CFAP54: variants seen among roughly 807,000 people sequenced by gnomAD.
The protein encoded by CFAP54 is cilia- and flagella-associated protein 54.
In CFAP54, 290 loss-of-function variants were observed where a neutral mutation model predicts 370.4. The ratio of observed to expected loss-of-function variants is 0.78; its 90% CI spans 0.71 to 0.86. CFAP54 has a LOEUF of 0.86. CFAP54 is among the 40% of genes least tolerant of loss of function. CFAP54 has a pLI of 0.00. For synonymous variants in CFAP54, 1,206 were observed against 1,236.5 expected (o/e 0.98, Z 0.52); for missense variants, 3,399 against 3,528.7 (o/e 0.96, Z 0.93).
At chr12:96,738,096 G>C (rs1441183062) in intron 50 of CFAP54, among the ~76,000 whole-genome samples, 1 of 152,170 alleles carries the variant, frequency 6.6e-6, no homozygotes, top group Non-Finnish European at 1.5e-5. Flanking sequence ...ATCCAGCCTG[G>C]AGATGATCGT....
At chr12:96,548,194 C>A (rs1592845170) in intron 15 of CFAP54, among the ~76,000 whole-genome samples, 1 of 152,080 alleles carries the variant, frequency 6.6e-6, no homozygotes, top group Admixed American at 6.6e-5. Context: ...ACCATTTCCT[C>A]ATATGCTAGC....
intron 30 of CFAP54, among the ~76,000 whole-genome samples, chr12:96,628,295 A>G (rs1956567907): frequency 6.6e-6 from 1 of 152,242 alleles, no homozygotes; most frequent in Non-Finnish European, 1.5e-5. Flanking sequence ...TATCAAAATG[A>G]AAAGCAGTCA....
At chr12:96,773,249 CT>C (rs5800271) in intron 60 of CFAP54, among the ~76,000 whole-genome samples, 58,809 of 151,990 alleles carry the variant, frequency 0.39, 12,165 homozygotes, top group South Asian at 0.54. Flanking sequence ...ATAAAGGAAA[CT>C]TGTAGATCAG....
intron 67 of CFAP54, among the ~76,000 whole-genome samples, chr12:96,867,674 T>C (rs1416430613): frequency 6.6e-6 from 1 of 152,220 alleles, no homozygotes; most frequent in East Asian, 1.9e-4. Flanking sequence ...AGACAAATAC[T>C]GCATGATCTC....
At chr12:96,749,102 A>G (rs926596176) in intron 55 of CFAP54, among the ~76,000 whole-genome samples, 13 of 152,202 alleles carry the variant, frequency 8.5e-5, no homozygotes, top group African/African-American at 3.1e-4. Context: ...CCTTAGACTG[A>G]GTAATTTATA....
At chr12:96,729,072 T>C (rs1286911386) in intron 50 of CFAP54, among the ~76,000 whole-genome samples, 3 of 152,126 alleles carry the variant, frequency 2.0e-5, no homozygotes, top group Non-Finnish European at 4.4e-5. Flanking sequence ...CCATGTGAGG[T>C]GTCAGTCTGC....
chr12:96,673,064 A>G (rs1372903987), intron 39 of CFAP54, among the ~76,000 whole-genome samples: 1 of 152,234 alleles, frequency 6.6e-6, no homozygotes, highest in Non-Finnish European at 1.5e-5. Flanking sequence ...AGAGGCACAG[A>G]CAGTTTGAGC....
chr12:96,774,373 A>G (rs914598744), intron 60 of CFAP54, among the ~76,000 whole-genome samples: 2 of 152,086 alleles, frequency 1.3e-5, no homozygotes, highest in African/African-American at 4.8e-5. Flanking sequence ...AGTCCTCCCT[A>G]CTCAGATTCT....
intron 51 of CFAP54, among the ~76,000 whole-genome samples, chr12:96,740,669 T>A (rs1425470224): frequency 6.6e-6 from 1 of 152,250 alleles, no homozygotes; most frequent in Non-Finnish European, 1.5e-5. Flanking sequence ...CATTACAAAT[T>A]AGCAAAACTA....
At chr12:96,865,364 C>A (rs1278521227) in intron 67 of CFAP54, among the ~76,000 whole-genome samples, 1 of 152,122 alleles carries the variant, frequency 6.6e-6, no homozygotes, top group Non-Finnish European at 1.5e-5. Flanking sequence ...AAAAGAAAAT[C>A]AAGTGTTGCA....
chr12:96,501,185 A>G (rs550409006), intron 2 of CFAP54: 32 of 341,834 alleles, frequency 9.4e-5, no homozygotes, highest in Non-Finnish European at 1.5e-4. Flanking sequence ...GATGGGCAGG[A>G]GGGTGGCCGG....
chr12:96,793,728 A>G (rs1247485842), intron 63 of CFAP54, among the ~76,000 whole-genome samples: 1 of 151,684 alleles, frequency 6.6e-6, no homozygotes. Context: ...TTATTTTTTG[A>G]TTTTTTGATT....
intron 40 of CFAP54, among the ~76,000 whole-genome samples, chr12:96,681,330 C>T (rs1957268662): frequency 6.6e-6 from 1 of 150,614 alleles, no homozygotes; most frequent in African/African-American, 2.4e-5. Context: ...AGATTTTTCT[C>T]TTATGTCTTC....
intron 15 of CFAP54, among the ~76,000 whole-genome samples, chr12:96,549,555 A>C (rs914220912): frequency 6.6e-5 from 10 of 152,226 alleles, no homozygotes; most frequent in African/African-American, 2.4e-4. Flanking sequence ...TATGGTAGAC[A>C]TATTTTCTTT....
intron 50 of CFAP54, among the ~76,000 whole-genome samples, chr12:96,723,854 G>A (rs1957792585): frequency 9.1e-6 from 1 of 110,086 alleles, no homozygotes; most frequent in South Asian, 3.1e-4. Flanking sequence ...ACAGTCCCCA[G>A]AGTGTGATGT....
At chr12:96,787,628 A>G (rs912525049) in intron 62 of CFAP54, among the ~76,000 whole-genome samples, 2 of 152,214 alleles carry the variant, frequency 1.3e-5, no homozygotes, top group Admixed American at 6.5e-5. Context: ...TTGGTATTCA[A>G]CCAACCTATG....
Position 96,740,038 on chromosome 12 carries a change from A to T in CFAP54, c.7048A>T (p.Asn2350Tyr). The T allele has an allele frequency of 6.3e-7, 1 of 1,598,362 alleles. No individual in the cohort carries two copies. ...GAAGGTAGTACAGGATGACACAGAG[A>T]ATCCTGTCTCTCCAGGAACTTCTGT... is the stretch of plus-strand genomic sequence containing the variant. The part of the protein sequence containing the change: ...EKKVVQDDTE[N>Y]PVSPGTSVTE... The change falls in exon 51 of 68, where the codon AAT (asparagine) becomes TAT (tyrosine). Residue 2350 changes from asparagine (N) to tyrosine (Y), a missense_variant. By Grantham distance (143) the Asn-to-Tyr change is moderately radical. This residue lies in a region of CFAP54 where 2,796 missense variants were observed against 2,869.7 expected (regional missense o/e 0.97). Transcript: ENST00000524981.
At chr12:96,628,952 G>A (rs1956574800) in intron 30 of CFAP54, among the ~76,000 whole-genome samples, 1 of 152,064 alleles carries the variant, frequency 6.6e-6, no homozygotes, top group South Asian at 2.1e-4. Flanking sequence ...AGAAATTTCA[G>A]GAAAAATAGG....
intron 4 of CFAP54, among the ~76,000 whole-genome samples, chr12:96,508,261 A>G (rs1309920394): frequency 2.7e-5 from 4 of 147,748 alleles, no homozygotes; most frequent in African/African-American, 1.0e-4. Flanking sequence ...CTTCCAAAGC[A>G]CTGGGATTAC....
Sources: gnomAD v4.1 joint callset for allele counts (sites outside exome capture counted in the v4.1 genomes callset) on GRCh38, gnomAD v4.1.1 for gene constraint, gnomAD v4.1.1 regional missense constraint, MANE v1.5 for transcripts, NCBI Gene and HGNC (gene_info 2026-07-23, HGNC 2026-07-21) for gene names.